The following DOCK6 variants were observed in gnomAD, a reference collection of about 807,000 sequenced individuals.
DOCK6 encodes the protein dedicator of cytokinesis 6, also known as dedicator of cytokinesis protein 6.
DOCK6 carries 167 observed loss-of-function variants against 230.3 expected under a neutral mutation model. The ratio of observed to expected loss-of-function variants is 0.73; its 90% CI spans 0.64 to 0.82. The LOEUF (loss-of-function observed/expected upper bound fraction) is 0.82. Ranked by LOEUF, DOCK6 falls within the 40% of genes least tolerant of loss-of-function variation. The pLI, the probability that DOCK6 is intolerant of heterozygous loss-of-function variation, is 0.00. For missense variants in DOCK6, 2,598 were observed against 2,825.8 expected, an observed-to-expected ratio of 0.92 and a Z score of 1.83; for synonymous variants, 1,148 against 1,185.0, an observed-to-expected ratio of 0.97 and a Z score of 0.64.
Position 11,255,390 on chromosome 19 carries a change from C to T in DOCK6, c.45-1664G>A, listed in dbSNP as rs140283469. On this transcript the variant is annotated intron_variant, in intron 1 of 47. Coordinates refer to ENST00000294618, the MANE Select transcript of DOCK6 (RefSeq NM_020812.4). ...CACGATATCGGCTCACTGCAACCTT[C>T]GCCTCCCAGGCTCAAGCGATCCTCC... is the stretch of plus-strand genomic sequence containing the variant. 7.7e-3 allele frequency among the ~76,000 whole-genome samples: 1,157 copies of T among 150,800 alleles called. 12 individuals are homozygous for T. Among genetic ancestry groups the T allele is most frequent in the African/African-American group, 0.027 (1,096 of 40,972 alleles).
In DOCK6 at chr19:11,236,461, G is replaced by C. The variant is rs1217945967; in HGVS notation, c.2277C>G (p.Ala759=). ...SEGNVEQELR[A]SLAALRLASP... is the part of the protein sequence containing the mutation. Reference sequence around the variant, plus strand: ...TGGCCAGGCGCAGTGCTGCAAGACTGGCCCGCAGCTCCTGCTCCACGTTGC... The same window carrying C: ...TGGCCAGGCGCAGTGCTGCAAGACTCGCCCGCAGCTCCTGCTCCACGTTGC... The change falls in exon 20 of 48, where the codon GCC becomes GCG. Residue 759 remains alanine (A), a synonymous_variant. Coordinates refer to ENST00000294618, the MANE Select transcript of DOCK6 (RefSeq NM_020812.4). This position sits in a 1 kb window ranked among gnomAD's most constrained non-coding sequence, Gnocchi z 5.2. The C allele has an allele frequency of 1.9e-6, 3 of 1,593,976 alleles. No homozygotes were observed. In the African/African-American group the frequency reaches 4.0e-5, roughly 21 times the overall value.
chr19:11,241,656 C>A, intron 14 of DOCK6: 1 of 1,577,314 alleles, frequency 6.3e-7, no homozygotes, highest in East Asian at 2.4e-5. Context: ...ATCTCCCTCC[C>A]CAGACTCCAC....
chr19:11,229,744 C>A (rs201890280), intron 22 of DOCK6, among the ~76,000 whole-genome samples: 3 of 151,764 alleles, frequency 2.0e-5, no homozygotes, highest in East Asian at 1.9e-4. Context: ...TGAGGCTGGG[C>A]GGGGTGGCTC....
intron 14 of DOCK6, 29 bp downstream of exon 14, chr19:11,242,016 A>G (rs1416883434): frequency 6.4e-6 from 10 of 1,554,612 alleles, no homozygotes; most frequent in African/African-American, 2.8e-5. Context: ...CTCCCATTCA[A>G]GTGCCCAGCT....
intron 13 of DOCK6, among the ~76,000 whole-genome samples, chr19:11,242,856 T>C (rs990613273): frequency 6.6e-6 from 1 of 152,162 alleles, no homozygotes; most frequent in Admixed American, 6.6e-5. Context: ...TAACCACCTA[T>C]TGACGCTGTA....
Position 11,252,068 on chromosome 19 carries a change from C to T in DOCK6, c.507+51G>A, listed in dbSNP as rs1021653725. 55 of 1,564,696 alleles carry T rather than the reference C, an allele frequency of 3.5e-5. 1 individual carries two copies. The highest frequency in any genetic ancestry group is 2.3e-4 in the Admixed American group (12 of 52,580). On this transcript the variant is annotated intron_variant, in intron 5 of 47. Coordinates refer to ENST00000294618, the MANE Select transcript of DOCK6 (RefSeq NM_020812.4). ...GTCACATGTGACCAAAAGCTGAGGC[C>T]GGAGCCTCCACACATACCCCTTCAG...
At position 11,243,240 on chromosome 19, in the gene DOCK6, G is replaced by C. The variant is rs776510445; in HGVS notation, c.1386+18C>G. On this transcript the variant is annotated intron_variant, in intron 12 of 47. Transcript: ENST00000294618. The surrounding 1 kb of genome is among the most constrained non-coding windows in gnomAD (Gnocchi z 6.3). ...GCCAGCGGGGAGTGGGAGAGTCCCTGGCCCCAGGGTAGGACACCTGCTTAA... is the reference window on the plus strand; with the variant it reads ...GCCAGCGGGGAGTGGGAGAGTCCCTCGCCCCAGGGTAGGACACCTGCTTAA... 9.3e-6 allele frequency: 15 copies of C among 1,613,138 alleles called. No individual in the cohort carries two copies. The highest frequency in any genetic ancestry group is 1.1e-5 in the Non-Finnish European group (13 of 1,179,618).
In DOCK6 at chr19:11,236,453, G is replaced by T; in HGVS notation, c.2285C>A (p.Ala762Glu). 1 of 1,592,816 alleles carries T rather than the reference G, an allele frequency of 6.3e-7. No homozygotes were observed. The highest frequency in any genetic ancestry group is 8.5e-7 in the Non-Finnish European group (1 of 1,170,496). ...TTCGGGGCTGGCCAGGCGCAGTGCT[G>T]CAAGACTGGCCCGCAGCTCCTGCTC... ...NVEQELRASL[A>E]ALRLASPEPL... The change falls in exon 20 of 48, where the codon GCA (alanine) becomes GAA (glutamate). Residue 762 changes from alanine to glutamate, a missense_variant. Physicochemically the swap from Ala to Glu is moderately radical, Grantham distance 107. Transcript: ENST00000294618. This position sits in a 1 kb window ranked among gnomAD's most constrained non-coding sequence, Gnocchi z 5.2.
At chr19:11,209,202 C>CTTGGGGCGGACATGG in intron 37 of DOCK6, 99 bp from the exon 38 acceptor site, 1 of 1,413,114 alleles carries the variant, frequency 7.1e-7, no homozygotes, top group Non-Finnish European at 9.6e-7. Context: ...CCCCCATGTC[C>CTTGGGGCGGACATGG]GCCCCAAGGA....
chr19:11,261,546 C>T (rs959738454), intron 1 of DOCK6, among the ~76,000 whole-genome samples: 13 of 152,178 alleles, frequency 8.5e-5, no homozygotes, highest in Non-Finnish European at 1.6e-4. Context: ...GAGAGGATAC[C>T]TGAGCTTCTG....
At chr19:11,256,847 T>G (rs1294410231) in intron 1 of DOCK6, among the ~76,000 whole-genome samples, 1 of 148,728 alleles carries the variant, frequency 6.7e-6, no homozygotes, top group Non-Finnish European at 1.5e-5. Context: ...CCGGCTAATT[T>G]TTTGTATTTT....
intron 21 of DOCK6, 114 bp downstream of exon 21, chr19:11,235,484 C>T: frequency 9.2e-7 from 1 of 1,088,848 alleles, no homozygotes; most frequent in Non-Finnish European, 1.3e-6. Context: ...CTCCTGACCT[C>T]AAATGATCCA....
At position 11,237,431 on chromosome 19, in the gene DOCK6, C is replaced by T. The variant is rs1167161766; in HGVS notation, c.2073+25G>A. On this transcript the variant is annotated intron_variant, in intron 18 of 47. Coordinates refer to ENST00000294618, the MANE Select transcript of DOCK6 (RefSeq NM_020812.4). ...AGTGCTTCTGGGGACAGTGCATTGG[C>T]AGGCAGGAGCTCCAGGGCACATACA... 4 of 1,612,662 alleles carry T rather than the reference C, an allele frequency of 2.5e-6. No individual in the cohort carries two copies. In the East Asian group the frequency reaches 8.9e-5, roughly 36 times the overall value.
At position 11,237,790 on chromosome 19, in the gene DOCK6, C is replaced by T. The variant is rs567740536; in HGVS notation, c.1833-11G>A. The T allele has an allele frequency of 7.6e-5, 118 of 1,561,556 alleles. 1 individual carries two copies. The highest frequency in any genetic ancestry group is 5.6e-4 in the South Asian group (47 of 84,544). On this transcript the variant is annotated splice_polypyrimidine_tract_variant and intron_variant, in intron 16 of 47. Coordinates refer to ENST00000294618, the MANE Select transcript of DOCK6 (RefSeq NM_020812.4). ...TAGAACTCGGGGGACCTGGCAGAAT[C>T]GGGCTGGGGGATCTGCTGGGGGCTG...
In DOCK6 at chr19:11,214,417, G is replaced by A. The variant is rs2079444832; in HGVS notation, c.4204-8C>T. 6.2e-7 allele frequency: 1 copy of A among 1,613,676 alleles called. No individual in the cohort carries two copies. Among genetic ancestry groups the A allele is most frequent in the African/African-American group, 1.3e-5 (1 of 74,940 alleles). ...TTCTGAAAGCATCACCGTCTGGAGG[G>A]AAGGGGGTCAGAAATCCAGGTGTTA... On this transcript the variant is annotated splice_region_variant and splice_polypyrimidine_tract_variant and intron_variant, in intron 33 of 47. Transcript: ENST00000294618.
Position 11,201,669 on chromosome 19 carries a change from T to A in DOCK6, c.5688+220A>T, listed in dbSNP as rs907816047. Among the ~76,000 whole-genome samples, 1 of 151,676 alleles carries A rather than the reference T, an allele frequency of 6.6e-6. No homozygotes were observed. The highest frequency in any genetic ancestry group is 1.9e-4 in the East Asian group (1 of 5,162). On this transcript the variant is annotated intron_variant, in intron 44 of 47. Transcript: ENST00000294618. This position sits in a 1 kb window ranked among gnomAD's most constrained non-coding sequence, Gnocchi z 4.3. ...TCTGGAATCCCTGGGCCACCCTGGG[T>A]CTGGGGTCCCTGCATCTTGCCTCCC...
chr19:11,250,794 G>C (rs2080104919), intron 6 of DOCK6, 80 bp downstream of exon 6: 4 of 1,376,188 alleles, frequency 2.9e-6, no homozygotes, highest in Admixed American at 4.0e-5. Flanking sequence ...TCCATCTATA[G>C]AAGCTATTGA....
chr19:11,201,349 A>G lies in DOCK6; in HGVS notation c.5689-297T>C, dbSNP rs140584396. On this transcript the variant is annotated intron_variant, in intron 44 of 47. Coordinates refer to ENST00000294618, the MANE Select transcript of DOCK6 (RefSeq NM_020812.4). This position sits in a 1 kb window ranked among gnomAD's most constrained non-coding sequence, Gnocchi z 4.3. Reference sequence around the variant, plus strand: ...GGGGTCCCCAACCTGGTTCTGGGGTACATGAGCCAATTTCTGGGTCTAGCG... The same window carrying G: ...GGGGTCCCCAACCTGGTTCTGGGGTGCATGAGCCAATTTCTGGGTCTAGCG... Among the ~76,000 whole-genome samples, 118 of 152,200 alleles carry G rather than the reference A, an allele frequency of 7.8e-4. No homozygotes were observed. The highest frequency in any genetic ancestry group is 1.5e-3 in the Non-Finnish European group (100 of 67,990).
intron 14 of DOCK6, among the ~76,000 whole-genome samples, chr19:11,241,223 T>G: frequency 6.7e-6 from 1 of 148,514 alleles, no homozygotes. Context: ...TCAGCCTGGG[T>G]GACAGAGAGA....
Sources: gnomAD v4.1 joint callset for allele counts (sites outside exome capture counted in the v4.1 genomes callset) on GRCh38, gnomAD v4.1.1 for gene constraint, Gnocchi (gnomAD v3.1) non-coding constraint, MANE v1.5 for transcripts, NCBI Gene and HGNC (gene_info 2026-07-23, HGNC 2026-07-21) for gene names.